Variants in KIAA1328 observed in about 807,000 individuals in gnomAD.
The protein encoded by KIAA1328 is KIAA1328, also known as protein hinderin.
KIAA1328 carries 52 observed loss-of-function variants against 68.1 expected under a neutral mutation model. That is an observed-to-expected ratio of 0.76 (90% CI 0.61 to 0.96). The LOEUF (loss-of-function observed/expected upper bound fraction) is 0.96, where lower values mean the gene tolerates loss of function less well. Among genes scored for constraint, KIAA1328 ranks in the 40% least tolerant of loss-of-function variants. The pLI is 0.00. For missense variants in KIAA1328, 641 were observed against 677.6 expected (o/e 0.95, Z 0.60); for synonymous variants, 232 against 239.4 (o/e 0.97, Z 0.28).
intron 5 of KIAA1328, among the ~76,000 whole-genome samples, chr18:36,939,610 A>G (rs1017109010): frequency 2.6e-5 from 4 of 152,098 alleles, no homozygotes; most frequent in Non-Finnish European, 4.4e-5. Context: ...TGCTCTGGCT[A>G]TAACTTCCAG....
chr18:37,029,976 G>T (rs535712703), intron 6 of KIAA1328, among the ~76,000 whole-genome samples: 2 of 152,018 alleles, frequency 1.3e-5, no homozygotes, highest in Non-Finnish European at 2.9e-5. Context: ...TTTCATTTTG[G>T]ATGTTATATG....
intron 6 of KIAA1328, among the ~76,000 whole-genome samples, chr18:37,065,012 A>G (rs1003543186): frequency 5.9e-5 from 9 of 152,208 alleles, no homozygotes; most frequent in African/African-American, 1.4e-4. Context: ...TAGGAAACTA[A>G]TACAGTAGTT....
intron 5 of KIAA1328, among the ~76,000 whole-genome samples, chr18:36,953,230 T>C (rs1173211311): frequency 6.8e-6 from 1 of 147,704 alleles, no homozygotes; most frequent in African/African-American, 2.5e-5. Context: ...ATTATTAAAT[T>C]ATTATATTTA....
At chr18:37,094,313 C>T (rs1026567701) in intron 7 of KIAA1328, among the ~76,000 whole-genome samples, 1 of 151,800 alleles carries the variant, frequency 6.6e-6, no homozygotes, top group South Asian at 2.1e-4. Flanking sequence ...GGACCCCTGC[C>T]TTAGAGGCCA....
Position 36,938,211 on chromosome 18 carries a change from C to T in KIAA1328, c.449-21097C>T, listed in dbSNP as rs549326975. The stretch of plus-strand genomic sequence containing the variant: ...CATAATGGCTCTGTTAATTTACATT[C>T]GCAAGAACAGTTCACACAGGATCCC... On this transcript the variant is annotated intron_variant, in intron 5 of 9. Transcript: ENST00000280020. Among the ~76,000 whole-genome samples, 23 of 152,244 alleles carry T rather than the reference C, an allele frequency of 1.5e-4. No individual in the cohort carries two copies. In the South Asian group the frequency reaches 1.7e-3, roughly 11 times the overall value.
At chr18:36,895,333 C>A (rs535065340) in intron 5 of KIAA1328, among the ~76,000 whole-genome samples, 1 of 152,220 alleles carries the variant, frequency 6.6e-6, no homozygotes, top group Non-Finnish European at 1.5e-5. Context: ...AGCTGCTTTG[C>A]AAAGGCTTTA....
intron 5 of KIAA1328, among the ~76,000 whole-genome samples, chr18:36,890,283 T>G (rs1176477298): frequency 6.6e-6 from 1 of 151,692 alleles, no homozygotes; most frequent in Admixed American, 6.6e-5. Flanking sequence ...GGTATGAAAC[T>G]TAACTTGGCA....
intron 6 of KIAA1328, among the ~76,000 whole-genome samples, chr18:36,975,698 C>A (rs1381282562): frequency 6.6e-6 from 1 of 152,184 alleles, no homozygotes; most frequent in Non-Finnish European, 1.5e-5. Flanking sequence ...AAATTTTAAT[C>A]CCTCTTGCCA....
chr18:37,071,024 A>G, intron 7 of KIAA1328, among the ~76,000 whole-genome samples: 1 of 108,558 alleles, frequency 9.2e-6, no homozygotes, highest in Non-Finnish European at 2.1e-5. Flanking sequence ...TTATGTTCAG[A>G]TATTTCCTTT....
chr18:37,163,668 T>G (rs1468567788), intron 8 of KIAA1328, among the ~76,000 whole-genome samples: 1 of 152,200 alleles, frequency 6.6e-6, no homozygotes, highest in Non-Finnish European at 1.5e-5. Context: ...GTACTCTTCA[T>G]AACTCCAGAT....
At chr18:36,956,543 TGG>T (rs112740428) in intron 5 of KIAA1328, among the ~76,000 whole-genome samples, 1 of 137,164 alleles carries the variant, frequency 7.3e-6, no homozygotes, top group Non-Finnish European at 1.6e-5. Context: ...AGGAAGGAAG[TGG>T]GGGGGGGGTG....
chr18:37,193,880 G>C (rs181003378), intron 9 of KIAA1328, among the ~76,000 whole-genome samples: 24 of 152,260 alleles, frequency 1.6e-4, no homozygotes, highest in Admixed American at 1.6e-3. Context: ...GGTACTCCTA[G>C]TTTCCCGCAT....
At chr18:37,076,662 A>G (rs2056748680) in intron 7 of KIAA1328, among the ~76,000 whole-genome samples, 1 of 151,888 alleles carries the variant, frequency 6.6e-6, no homozygotes, top group Admixed American at 6.6e-5. Flanking sequence ...ATCACCACCA[A>G]TCCCACAGAA....
downstream of KIAA1328, chr18:37,230,866 T>G (rs1020745752): frequency 6.6e-6 from 1 of 152,146 alleles, no homozygotes; most frequent in African/African-American, 2.4e-5. Context: ...CTTCAGTGCT[T>G]AAAATACACA....
At chr18:37,199,519 C>T (rs752520365) in intron 9 of KIAA1328, among the ~76,000 whole-genome samples, 4 of 152,076 alleles carry the variant, frequency 2.6e-5, no homozygotes, top group Admixed American at 1.3e-4. Context: ...TGGTTGATTC[C>T]GTGTCTTTGC....
chr18:37,059,860 TA>T (rs1232366255), intron 6 of KIAA1328, among the ~76,000 whole-genome samples: 4 of 151,940 alleles, frequency 2.6e-5, no homozygotes, highest in African/African-American at 7.3e-5. Flanking sequence ...TATACAGCCA[TA>T]AAAAAGGATG....
chr18:37,192,188 T>TAA (rs2059919357), intron 9 of KIAA1328, among the ~76,000 whole-genome samples: 1 of 151,950 alleles, frequency 6.6e-6, no homozygotes, highest in Non-Finnish European at 1.5e-5. Context: ...TGTGTGTATG[T>TAA]GTGTTGCGTG....
At chr18:37,216,722 C>G (rs953358215) in intron 9 of KIAA1328, among the ~76,000 whole-genome samples, 1 of 152,058 alleles carries the variant, frequency 6.6e-6, no homozygotes, top group African/African-American at 2.4e-5. Flanking sequence ...CTAATATTGA[C>G]AGTGGGGTGT....
intron 7 of KIAA1328, among the ~76,000 whole-genome samples, chr18:37,076,334 G>A (rs2056734267): frequency 6.6e-6 from 1 of 152,070 alleles, no homozygotes; most frequent in Admixed American, 6.6e-5. Context: ...ATTCAAAGCA[G>A]TGTGTAGAGG....
Sources: allele counts gnomAD v4.1 joint callset (sites outside exome capture counted in the v4.1 genomes callset), GRCh38; gene constraint gnomAD v4.1.1; transcripts MANE v1.5; gene names NCBI Gene and HGNC (gene_info 2026-07-23, HGNC 2026-07-21).